Variants in POLR1B observed in about 807,000 individuals in gnomAD.
POLR1B encodes DNA-directed RNA polymerase I subunit RPA2.
POLR1B carries 30 observed loss-of-function variants against 105.8 expected under a neutral mutation model. The observed-to-expected ratio is 0.28, with a 90% CI of 0.21 to 0.38. POLR1B has a LOEUF of 0.38. POLR1B is among the 10% of genes least tolerant of loss of function. The pLI is 1.00. For synonymous variants in POLR1B, 485 were observed against 505.1 expected, an observed-to-expected ratio of 0.96 and a Z score of 0.53; for missense variants, 976 against 1,435.8, an observed-to-expected ratio of 0.68 and a Z score of 5.17.
intron 10 of POLR1B, among the ~76,000 whole-genome samples, chr2:112,565,087 T>A (rs1111526): frequency 0.79 from 120,827 of 152,210 alleles, 48,182 homozygotes; most frequent in Middle Eastern, 0.88. Flanking sequence ...TAAGTGCTGT[T>A]TCGGACACTT....
At chr2:112,557,121 A>C (rs1206885781) in intron 7 of POLR1B, among the ~76,000 whole-genome samples, 2 of 152,108 alleles carry the variant, frequency 1.3e-5, no homozygotes, top group Non-Finnish European at 2.9e-5. Flanking sequence ...CCATCTCTAC[A>C]AAAAAAATTT....
At position 112,574,906 on chromosome 2, in the gene POLR1B, G is replaced by A; in HGVS notation, c.2585G>A (p.Gly862Glu). The change falls in exon 15 of 15, where the codon GGA becomes GAA. Residue 862 changes from glycine (G) to glutamate (E), a missense_variant. Gly to Glu is a moderately conservative substitution (Grantham distance 98). Coordinates refer to ENST00000263331, the MANE Select transcript of POLR1B (RefSeq NM_019014.6). ...IKVCSNDTGS[G>E]KFKCVCITMR... ...GTGTGCAGTAATGACACTGGGAGTG[G>A]AAAATTCAAGTGTGTTTGCATCACT... 1 of 1,614,068 alleles carries A rather than the reference G, an allele frequency of 6.2e-7. No individual in the cohort carries two copies. Among genetic ancestry groups the A allele is most frequent in the Non-Finnish European group, 8.5e-7 (1 of 1,179,986 alleles).
rs2104538476 is a variant in POLR1B at position 112,558,195 on chromosome 2, T to TC, written c.1330+115dup. The TC allele has an allele frequency of 7.6e-6, 6 of 788,364 alleles. No individual in the cohort carries two copies. The South Asian group carries it at 2.5e-4, about 33-fold the overall frequency. The allele number at this position is 788,364 out of a possible 1,614,324, so 48.8% of individuals were successfully genotyped here. On this transcript the variant is annotated intron_variant, in intron 8 of 14. Coordinates refer to ENST00000263331, the MANE Select transcript of POLR1B (RefSeq NM_019014.6). The stretch of plus-strand genomic sequence containing the variant: ...AAACCCCACGAAAAAAGTAAATTTC[T>TC]CATAACTATGACTTCGACAACTATT...
chr2:112,543,899 C>CA (rs1682895937), intron 1 of POLR1B, among the ~76,000 whole-genome samples: 1 of 151,920 alleles, frequency 6.6e-6, no homozygotes, highest in Non-Finnish European at 1.5e-5. Flanking sequence ...GCTTGGATAA[C>CA]ATAGTGAAAC....
chr2:112,562,607 C>T (rs978169655), intron 9 of POLR1B, among the ~76,000 whole-genome samples: 2 of 152,098 alleles, frequency 1.3e-5, no homozygotes, highest in African/African-American at 4.8e-5. Context: ...AATCATCTGA[C>T]CCTTCAGTAA....
chr2:112,552,086 A>G (rs1201996148), intron 6 of POLR1B, 88 bp downstream of exon 6: 2 of 1,053,456 alleles, frequency 1.9e-6, no homozygotes, highest in Admixed American at 2.2e-5. Context: ...CGGGCGAGTC[A>G]TTTGGGAATG....
chr2:112,545,677 T>A (rs1217394737), intron 1 of POLR1B, among the ~76,000 whole-genome samples: 2 of 151,900 alleles, frequency 1.3e-5, no homozygotes, highest in Admixed American at 6.6e-5. Flanking sequence ...TCTCACTTTG[T>A]CACCTAGGCT....
intron 1 of POLR1B, among the ~76,000 whole-genome samples, chr2:112,543,110 T>G (rs1296275528): frequency 1.3e-5 from 2 of 152,350 alleles, no homozygotes; most frequent in African/African-American, 4.8e-5. Context: ...AGAGAGAAAC[T>G]ACTCGTCATT....
rs781756370 is a variant in POLR1B, at chr2:112,564,403, C to T, written c.1650C>T (p.Tyr550=). The T allele has an allele frequency of 6.2e-6, 10 of 1,614,238 alleles. No individual in the cohort carries two copies. Among genetic ancestry groups the T allele is most frequent in the African/African-American group, 4.0e-5 (3 of 75,070 alleles). Residue 550 remains tyrosine, a synonymous_variant, in exon 10 of 15, where the codon TAC becomes TAT. Coordinates refer to ENST00000263331, the MANE Select transcript of POLR1B (RefSeq NM_019014.6). ...TTGATGGAGCTCCCCACCGATCATACAGTGAGTGCTACCCTGTCCTGCTGG... is the reference window on the plus strand; with the variant it reads ...TTGATGGAGCTCCCCACCGATCATATAGTGAGTGCTACCCTGTCCTGCTGG... ...TPIDGAPHRS[Y]SECYPVLLDG...
rs1684976789 is a variant in POLR1B at position 112,578,842 on chromosome 2, GTAATT to G, written c.*3114_*3118del. 6.6e-6 allele frequency among the ~76,000 whole-genome samples: 1 copy of G among 152,108 alleles called. No homozygotes were observed. The highest frequency in any genetic ancestry group is 2.1e-4 in the South Asian group (1 of 4,824). On this transcript the variant is annotated 3_prime_UTR_variant, in exon 15 of 15. Transcript: ENST00000263331. ...CAGCAATAAATAGAACAATTATACT[GTAATT>G]AAATGAATGTGGCCTCAAAATGTAC...
At chr2:112,574,759 C>A in intron 14 of POLR1B, 88 bp from the exon 15 acceptor site, 28 of 976,584 alleles carry the variant, frequency 2.9e-5, no homozygotes, top group Non-Finnish European at 3.7e-5. Context: ...TTACAAATAT[C>A]CTTTATGAAG....
Position 112,579,208 on chromosome 2 carries a change from C to CAAAAAAAAAAAAAAAAAAAAAAA in POLR1B, c.*3489_*3511dup, listed in dbSNP as rs56190123. Among the ~76,000 whole-genome samples the CAAAAAAAAAAAAAAAAAAAAAAA allele has an allele frequency of 1.7e-5, 1 of 58,692 alleles. No individual in the cohort carries two copies. Among genetic ancestry groups the CAAAAAAAAAAAAAAAAAAAAAAA allele is most frequent in the African/African-American group, 7.1e-5 (1 of 14,098 alleles). 38.5% of individuals were successfully genotyped at this position (58,692 alleles called of 152,430 possible). ...GGGCAACAGAGCAAGACTAGAGTCT[C>CAAAAAAAAAAAAAAAAAAAAAAA]AAAAAAAAAAAAAAAAAAAAAAAAA... On this transcript the variant is annotated 3_prime_UTR_variant, in exon 15 of 15. Transcript: ENST00000263331.
intron 10 of POLR1B, among the ~76,000 whole-genome samples, chr2:112,565,357 T>C (rs1381922362): frequency 6.6e-6 from 1 of 152,186 alleles, no homozygotes; most frequent in Non-Finnish European, 1.5e-5. Context: ...TCAATTTTTT[T>C]CTTTTGAACC....
rs1006080438 is a variant in POLR1B, at chr2:112,576,069, A to G, written c.*340A>G. The G allele has an allele frequency of 3.5e-5, 11 of 310,502 alleles. No homozygotes were observed. Among genetic ancestry groups the G allele is most frequent in the Non-Finnish European group, 6.1e-5 (10 of 164,096 alleles). 19.2% of individuals were successfully genotyped at this position (310,502 alleles called of 1,614,324 possible). ...GTGAGTGTCACACACCTGTTAATCCATCTTGAGCAGGACAGTACTATACAA... is the reference window on the plus strand; with the variant it reads ...GTGAGTGTCACACACCTGTTAATCCGTCTTGAGCAGGACAGTACTATACAA... On this transcript the variant is annotated 3_prime_UTR_variant, in exon 15 of 15. Coordinates refer to ENST00000263331, the MANE Select transcript of POLR1B (RefSeq NM_019014.6).
intron 10 of POLR1B, 117 bp from the exon 11 acceptor site, chr2:112,567,850 A>C (rs1684376225): frequency 1.2e-6 from 1 of 826,716 alleles, no homozygotes; most frequent in Non-Finnish European, 1.9e-6. Context: ...CACCCAAGGA[A>C]GTAGGGCTTT....
intron 12 of POLR1B, among the ~76,000 whole-genome samples, chr2:112,571,372 T>C (rs892722205): frequency 2.6e-5 from 4 of 152,182 alleles, no homozygotes; most frequent in Non-Finnish European, 5.9e-5. Context: ...TTGGTTTTGT[T>C]TGTTTTTAGT....
At chr2:112,542,051 A>C, upstream of POLR1B, 7 of 1,483,064 alleles carry the variant, frequency 4.7e-6, no homozygotes, top group Non-Finnish European at 6.4e-6. Context: ...TGGCCGGATG[A>C]CTCCCCAGGG....
chr2:112,575,797 A>G lies in POLR1B; in HGVS notation c.*68A>G, dbSNP rs1684835289. 6.8e-7 allele frequency: 1 copy of G among 1,479,836 alleles called. No homozygotes were observed. Among genetic ancestry groups the G allele is most frequent in the Non-Finnish European group, 9.1e-7 (1 of 1,096,780 alleles). 91.7% of individuals were successfully genotyped at this position (1,479,836 alleles called of 1,614,324 possible). On this transcript the variant is annotated 3_prime_UTR_variant, in exon 15 of 15. Coordinates refer to ENST00000263331, the MANE Select transcript of POLR1B (RefSeq NM_019014.6). This position sits in a 1 kb window ranked among gnomAD's most constrained non-coding sequence, Gnocchi z 5.3. ...GCAAAATGTAATTTTAATTCAATGA[A>G]GATATCATTACCAGGTTACTCTTGA...
intron 4 of POLR1B, among the ~76,000 whole-genome samples, chr2:112,549,929 ATG>A (rs1177033537): frequency 1.0e-3 from 113 of 111,766 alleles, no homozygotes; most frequent in Non-Finnish European, 1.6e-3. Flanking sequence ...ATTATAATAT[ATG>A]TATATGTATA....
Sources: gnomAD v4.1 joint callset for allele counts (sites outside exome capture counted in the v4.1 genomes callset) on GRCh38, gnomAD v4.1.1 for gene constraint, Gnocchi (gnomAD v3.1) non-coding constraint, MANE v1.5 for transcripts, NCBI Gene and HGNC (gene_info 2026-07-23, HGNC 2026-07-21) for gene names.